WDR70: variants seen among roughly 807,000 people sequenced by gnomAD.
WDR70 encodes the protein WD repeat-containing protein 70.
Under a neutral mutation model 88.6 loss-of-function variants are expected in WDR70, and 53 were observed. The observed-to-expected ratio is 0.60, with a 90% CI of 0.48 to 0.75. The LOEUF is 0.75. WDR70 is among the 30% of genes least tolerant of loss of function. The pLI, the probability that WDR70 is intolerant of heterozygous loss-of-function variation, is 0.00. For synonymous variants in WDR70, 280 were observed against 270.0 expected, an observed-to-expected ratio of 1.04 and a Z score of -0.36; for missense variants, 610 against 823.2, an observed-to-expected ratio of 0.74 and a Z score of 3.17.
intron 9 of WDR70, among the ~76,000 whole-genome samples, chr5:37,559,602 C>T (rs542310553): frequency 1.3e-5 from 2 of 152,038 alleles, no homozygotes; most frequent in Admixed American, 6.5e-5. Flanking sequence ...CCTAGCACTT[C>T]GGGAGGACGA....
At chr5:37,521,733 CACACA>C (rs776090251) in intron 9 of WDR70, among the ~76,000 whole-genome samples, 2 of 151,920 alleles carry the variant, frequency 1.3e-5, no homozygotes, top group Non-Finnish European at 2.9e-5. Flanking sequence ...CACACACACA[CACACA>C]CACCCACATG....
At chr5:37,535,223 T>G (rs575060043) in intron 9 of WDR70, among the ~76,000 whole-genome samples, 1 of 144,914 alleles carries the variant, frequency 6.9e-6, no homozygotes, top group South Asian at 2.2e-4. Flanking sequence ...TGGAATTGAC[T>G]TTTTTTTTTT....
intron 10 of WDR70, among the ~76,000 whole-genome samples, chr5:37,621,560 C>G (rs1437704245): frequency 1.3e-5 from 2 of 152,140 alleles, no homozygotes; most frequent in Non-Finnish European, 2.9e-5. Context: ...GCTTTGCCCA[C>G]TTTTTGTTGG....
intron 9 of WDR70, among the ~76,000 whole-genome samples, chr5:37,518,755 T>C (rs1219448401): frequency 1.3e-5 from 2 of 150,362 alleles, no homozygotes; most frequent in South Asian, 2.1e-4. Flanking sequence ...GGCAGGGTCA[T>C]AGGATAATAG....
intron 8 of WDR70, among the ~76,000 whole-genome samples, chr5:37,504,129 C>CT (rs969774562): frequency 2.0e-5 from 3 of 152,164 alleles, no homozygotes; most frequent in Non-Finnish European, 1.5e-5. Flanking sequence ...TTGAGATTAT[C>CT]TTTTTTTGTC....
At chr5:37,626,745 T>G (rs928304119) in intron 10 of WDR70, among the ~76,000 whole-genome samples, 6 of 152,162 alleles carry the variant, frequency 3.9e-5, no homozygotes, top group Admixed American at 3.9e-4. Flanking sequence ...GCCGTCTGGT[T>G]TTGGACTTTT....
intron 8 of WDR70, chr5:37,506,264 T>A (rs1490021550): frequency 3.3e-6 from 3 of 920,110 alleles, no homozygotes; most frequent in Non-Finnish European, 5.5e-6. Context: ...GAGATATTGG[T>A]GAATGATCCT....
At position 37,600,036 on chromosome 5, in the gene WDR70, G is replaced by A. The variant is rs1044132491; in HGVS notation, c.918-5028G>A. On this transcript the variant is annotated intron_variant, in intron 9 of 17. Coordinates refer to ENST00000265107, the MANE Select transcript of WDR70 (RefSeq NM_018034.4). Reference sequence around the variant, plus strand: ...TTTTTAACCTTGGATTAGGCAGTGAGTTCTTAGATGCAACACCAAAAGCAC... The same window carrying A: ...TTTTTAACCTTGGATTAGGCAGTGAATTCTTAGATGCAACACCAAAAGCAC... Among the ~76,000 whole-genome samples the A allele has an allele frequency of 3.9e-5, 6 of 151,978 alleles. No homozygotes were observed. In the South Asian group the frequency reaches 1.2e-3, roughly 32 times the overall value.
intron 5 of WDR70, among the ~76,000 whole-genome samples, chr5:37,433,317 T>A (rs1376092848): frequency 6.6e-6 from 1 of 152,210 alleles, no homozygotes; most frequent in Non-Finnish European, 1.5e-5. Context: ...TACCTTGGCC[T>A]TACAAAGTAC....
At chr5:37,518,588 C>A (rs1370189364) in intron 9 of WDR70, among the ~76,000 whole-genome samples, 1 of 150,876 alleles carries the variant, frequency 6.6e-6, no homozygotes, top group Admixed American at 6.6e-5. Context: ...ACCACATTTT[C>A]TTTATCCATT....
intron 10 of WDR70, among the ~76,000 whole-genome samples, chr5:37,623,390 C>T (rs1744569893): frequency 6.6e-6 from 1 of 152,002 alleles, no homozygotes; most frequent in African/African-American, 2.4e-5. Context: ...CATTATTCAC[C>T]AAGTAGTAAA....
intron 10 of WDR70, among the ~76,000 whole-genome samples, chr5:37,676,962 G>T (rs949155868): frequency 6.6e-6 from 1 of 152,022 alleles, no homozygotes; most frequent in Admixed American, 6.6e-5. Flanking sequence ...TTTAGTCTTG[G>T]GAGGGTGTAT....
At chr5:37,666,583 A>G (rs754262516) in intron 10 of WDR70, among the ~76,000 whole-genome samples, 2 of 152,200 alleles carry the variant, frequency 1.3e-5, no homozygotes, top group Non-Finnish European at 2.9e-5. Context: ...CTCTTGCTTT[A>G]CTTCCCTACT....
chr5:37,729,205 C>A (rs940041640), intron 17 of WDR70, among the ~76,000 whole-genome samples: 9 of 152,116 alleles, frequency 5.9e-5, no homozygotes, highest in Admixed American at 5.9e-4. Flanking sequence ...ATTCTGGAAT[C>A]GACCACTTCT....
chr5:37,630,711 T>C (rs188205679), intron 10 of WDR70, among the ~76,000 whole-genome samples: 12 of 152,296 alleles, frequency 7.9e-5, no homozygotes, highest in African/African-American at 1.9e-4. Flanking sequence ...GTGACATTCA[T>C]ATATAATGTA....
intron 8 of WDR70, among the ~76,000 whole-genome samples, chr5:37,496,383 A>G (rs1456937059): frequency 6.6e-6 from 1 of 151,958 alleles, no homozygotes; most frequent in Non-Finnish European, 1.5e-5. Context: ...CTGTGGCTTC[A>G]CTCCTGAAGT....
intron 9 of WDR70, among the ~76,000 whole-genome samples, chr5:37,561,968 C>G (rs576486668): frequency 1.3e-5 from 2 of 152,198 alleles, no homozygotes; most frequent in Non-Finnish European, 2.9e-5. Flanking sequence ...TTCCATGATG[C>G]TGTCTCATGG....
At chr5:37,429,458 T>C (rs979696350) in intron 5 of WDR70, among the ~76,000 whole-genome samples, 3 of 152,114 alleles carry the variant, frequency 2.0e-5, no homozygotes, top group Non-Finnish European at 4.4e-5. Context: ...TACTTTCTCA[T>C]TGTTTTATAG....
chr5:37,568,983 G>A (rs1742822873), intron 9 of WDR70, among the ~76,000 whole-genome samples: 2 of 152,088 alleles, frequency 1.3e-5, no homozygotes, highest in Admixed American at 6.5e-5. Context: ...TAGCCTGCTG[G>A]ATATGTTCTC....
Sources: allele counts gnomAD v4.1 joint callset (sites outside exome capture counted in the v4.1 genomes callset), GRCh38; gene constraint gnomAD v4.1.1; transcripts MANE v1.5; gene names NCBI Gene and HGNC (gene_info 2026-07-23, HGNC 2026-07-21).